ADGRF1: variants seen among roughly 807,000 people sequenced by gnomAD.
ADGRF1 encodes the protein adhesion G protein-coupled receptor F1.
A neutral mutation model predicts 87.2 loss-of-function variants in ADGRF1; 85 were observed. That is an observed-to-expected ratio of 0.97 (90% confidence interval 0.82 to 1.17). ADGRF1 has a LOEUF of 1.17. Ranked by LOEUF, ADGRF1 falls within the 50% of genes most tolerant of loss-of-function variation. The pLI is 0.00. For synonymous variants in ADGRF1, 430 were observed against 408.8 expected (o/e 1.05, Z -0.63); for missense variants, 1,169 against 1,077.2 (o/e 1.09, Z -1.19).
At chr6:47,031,957 C>T (rs1254777602) in intron 1 of ADGRF1, among the ~76,000 whole-genome samples, 1 of 152,078 alleles carries the variant, frequency 6.6e-6, no homozygotes, top group Non-Finnish European at 1.5e-5. Context: ...GCAATTCTCC[C>T]ACCTCAGCTT....
In ADGRF1 at chr6:47,014,754, G is replaced by A. The variant is rs1006431643; in HGVS notation, c.854C>T (p.Ala285Val). 3 of 1,613,856 alleles carry A rather than the reference G, an allele frequency of 1.9e-6. No homozygotes were observed. The highest frequency in any genetic ancestry group is 1.7e-5 in the Admixed American group (1 of 59,998). Residue 285 changes from alanine to valine, a missense_variant, in exon 9 of 15, where the codon GCC (alanine) becomes GTC (valine). By Grantham distance (64) the Ala-to-Val change is moderately conservative. Transcript: ENST00000371253. ...CTGCCACCCAGAGGACTCACACTTG[G>A]CTGTGATGTTTCCCCTGTAGCCACT... ...CSSGYRGNIT[A>V]KCESSGWQVI...
Position 47,010,405 on chromosome 6 carries a change from G to C in ADGRF1, c.1117-87C>G, listed in dbSNP as rs1342335609. ...TGGATAGTCATTAGCATTAAGAATA[G>C]GAAAAATGCCCAGAGAATTGGCTCA... On this transcript the variant is annotated intron_variant, in intron 10 of 14. Transcript: ENST00000371253. 8 of 1,108,104 alleles carry C rather than the reference G, an allele frequency of 7.2e-6. No homozygotes were observed. The Admixed American group carries it at 1.9e-4, about 27-fold the overall frequency. 68.6% of individuals were successfully genotyped at this position (1,108,104 alleles called of 1,614,324 possible).
chr6:47,024,077 G>T lies in ADGRF1; in HGVS notation c.418C>A (p.Leu140Ile). The change falls in exon 5 of 15, where the codon CTC becomes ATC. Residue 140 changes from leucine (L) to isoleucine (I), a missense_variant. Transcript: ENST00000371253. ...TCACAGAAATTGACACTCTGGCTGA[G>T]GTTGTTGAGATGACATTCACAGCTT... is the stretch of plus-strand genomic sequence containing the variant. ...LPSCECHLNN[L>I]SQSVNFCERT... The T allele has an allele frequency of 6.2e-7, 1 of 1,614,120 alleles. No homozygotes were observed. The highest frequency in any genetic ancestry group is 1.1e-5 in the South Asian group (1 of 91,072).
intron 1 of ADGRF1, among the ~76,000 whole-genome samples, chr6:47,040,014 A>G (rs964945065): frequency 2.6e-5 from 4 of 152,100 alleles, no homozygotes; most frequent in Non-Finnish European, 4.4e-5. Flanking sequence ...AAAACCATGT[A>G]TCTATCCAGT....
chr6:47,015,744 C>T (rs1000801484), intron 8 of ADGRF1, among the ~76,000 whole-genome samples: 11 of 129,510 alleles, frequency 8.5e-5, no homozygotes, highest in South Asian at 6.1e-4. Flanking sequence ...TGTGCCACCA[C>T]GCCTGGCTAA....
At chr6:47,038,080 C>T (rs868476317) in intron 1 of ADGRF1, among the ~76,000 whole-genome samples, 9 of 152,100 alleles carry the variant, frequency 5.9e-5, no homozygotes, top group South Asian at 2.1e-4. Context: ...AGGTTGGTCT[C>T]GAACTCCTGA....
At chr6:47,026,938 A>T (rs78560574) in intron 3 of ADGRF1, among the ~76,000 whole-genome samples, 2,223 of 152,292 alleles carry the variant, frequency 0.015, 48 homozygotes, top group African/African-American at 0.051. Flanking sequence ...TCAGGGGTTA[A>T]TGGCACTGGT....
intron 9 of ADGRF1, chr6:47,014,354 A>G (rs1307090431): frequency 3.8e-6 from 4 of 1,039,928 alleles, no homozygotes; most frequent in Admixed American, 5.3e-5. Context: ...TTTAATTCCC[A>G]GGTCTTCTGG....
chr6:47,027,899 G>A (rs767230494), intron 2 of ADGRF1, 138 bp from the exon 3 acceptor site: 2 of 654,512 alleles, frequency 3.1e-6, no homozygotes, highest in Non-Finnish European at 5.4e-6. Context: ...GCCAGGGAAG[G>A]CCTCACTGGA....
chr6:47,019,485 C>G (rs968121906), intron 7 of ADGRF1: 73 of 476,666 alleles, frequency 1.5e-4, no homozygotes, highest in Non-Finnish European at 1.9e-4. Context: ...AGATCGAGAC[C>G]ATCCTGGCTA....
rs117694085 is a variant in ADGRF1, at chr6:47,038,920, G to A, written c.-44+3271C>T. Among the ~76,000 whole-genome samples the A allele has an allele frequency of 7.2e-5, 11 of 152,296 alleles. No individual in the cohort carries two copies. The East Asian group carries it at 2.1e-3, about 29-fold the overall frequency. Reference sequence around the variant, plus strand: ...CGAAGCATAGGAAAGTCTCCAAGTAGAGTCGGGCTGCATGCAGTACAAACA... The same window carrying A: ...CGAAGCATAGGAAAGTCTCCAAGTAAAGTCGGGCTGCATGCAGTACAAACA... On this transcript the variant is annotated intron_variant, in intron 1 of 14. Transcript: ENST00000371253.
intron 9 of ADGRF1, chr6:47,014,241 G>A (rs1237286234): frequency 1.0e-6 from 1 of 985,718 alleles, no homozygotes; most frequent in Admixed American, 6.1e-5. Context: ...CATTTTATAT[G>A]GTTCACCTTT....
Position 47,002,309 on chromosome 6 carries a change from G to T in ADGRF1, c.2593-742C>A, listed in dbSNP as rs116227187. Among the ~76,000 whole-genome samples, 1,344 of 151,234 alleles carry T rather than the reference G, an allele frequency of 8.9e-3. 20 individuals are homozygous for T. Among genetic ancestry groups the T allele is most frequent in the African/African-American group, 0.031 (1,260 of 41,168 alleles). On this transcript the variant is annotated intron_variant, in intron 13 of 14. Coordinates refer to ENST00000371253, the MANE Select transcript of ADGRF1 (RefSeq NM_153840.4). ...AACCAAACCAAGGTGGGAAAAACAT[G>T]TTCTTATTATATTCAGTAGATAGAC... is the stretch of plus-strand genomic sequence containing the variant.
chr6:47,012,218 T>G (rs746062323), intron 9 of ADGRF1, 23 bp from the exon 10 acceptor site: 2 of 1,602,244 alleles, frequency 1.2e-6, no homozygotes, highest in African/African-American at 2.7e-5. Context: ...ATGGTTAAGT[T>G]CTAGAAAACA....
rs1007815193 is a variant in ADGRF1, at chr6:47,025,842, G to A, written c.277+12C>T. 4 of 1,569,266 alleles carry A rather than the reference G, an allele frequency of 2.5e-6. No individual in the cohort carries two copies. The highest frequency in any genetic ancestry group is 2.3e-5 in the South Asian group (2 of 86,542). On this transcript the variant is annotated intron_variant, in intron 4 of 14. Transcript: ENST00000371253. ...CCCCATTTATACATCCAGTCACCGA[G>A]AGCCACCTTACCTGTGGTAGCCTTT...
rs565894435 is a variant in ADGRF1 at position 47,034,999 on chromosome 6, A to G, written c.-43-5895T>C. ...TTTAGTCTGCGCTTTGCATCTGAGAAGAGCTTCACTCAGGATGATTTGTTG... is the reference window on the plus strand; with the variant it reads ...TTTAGTCTGCGCTTTGCATCTGAGAGGAGCTTCACTCAGGATGATTTGTTG... On this transcript the variant is annotated intron_variant, in intron 1 of 14. Coordinates refer to ENST00000371253, the MANE Select transcript of ADGRF1 (RefSeq NM_153840.4). 2.6e-5 allele frequency among the ~76,000 whole-genome samples: 4 copies of G among 152,344 alleles called. No homozygotes were observed. The South Asian group carries it at 8.3e-4, about 32-fold the overall frequency.
At chr6:47,033,218 A>G (rs750606313) in intron 1 of ADGRF1, among the ~76,000 whole-genome samples, 10 of 152,200 alleles carry the variant, frequency 6.6e-5, no homozygotes, top group Non-Finnish European at 1.3e-4. Flanking sequence ...AGGCTTGGCC[A>G]TGGTGGGACG....
In ADGRF1 at chr6:47,000,216, C is replaced by G. The variant is rs1339262052; in HGVS notation, c.*6G>C. On this transcript the variant is annotated 3_prime_UTR_variant, in exon 15 of 15. Coordinates refer to ENST00000371253, the MANE Select transcript of ADGRF1 (RefSeq NM_153840.4). The stretch of plus-strand genomic sequence containing the variant: ...AAATTTTTTCTTGATTTTATGATTC[C>G]TTGCCTTATTCATTTGAGACAAACT... 8 of 1,603,988 alleles carry G rather than the reference C, an allele frequency of 5.0e-6. No homozygotes were observed. The highest frequency in any genetic ancestry group is 6.8e-6 in the Non-Finnish European group (8 of 1,173,752).
In ADGRF1 at chr6:47,009,383, G is replaced by T. The variant is rs1404924069; in HGVS notation, c.2052C>A (p.Tyr684Ter). Residue 684 changes from tyrosine to a stop codon, truncating the protein, a stop_gained, in exon 11 of 15, where the codon TAC (tyrosine) becomes TAA (stop). Transcript: ENST00000371253. LOFTEE classifies it high-confidence loss of function. Reference protein sequence around the residue: ...WMLMLGILLAYRIILVFHHMA... With the variant: ...WMLMLGILLA Reference sequence around the variant, plus strand: ...TGTGATGGAACACGAGGATGATCCGGTAAGCCAGCAGGATGCCAAGCATGA... The same window carrying T: ...TGTGATGGAACACGAGGATGATCCGTTAAGCCAGCAGGATGCCAAGCATGA... 2.5e-6 allele frequency: 4 copies of T among 1,613,940 alleles called. No individual in the cohort carries two copies. The African/African-American group carries it at 5.3e-5, about 22-fold the overall frequency.
Sources: allele counts gnomAD v4.1 joint callset (sites outside exome capture counted in the v4.1 genomes callset), GRCh38; gene constraint gnomAD v4.1.1; transcripts MANE v1.5; gene names NCBI Gene and HGNC (gene_info 2026-07-23, HGNC 2026-07-21).